Variants in SCP2 observed in about 807,000 individuals in gnomAD.
The protein encoded by SCP2 is sterol carrier protein 2, also known as SCP-2/3-oxoacyl-CoA thiolase.
Under a neutral mutation model 71.4 loss-of-function variants are expected in SCP2, and 48 were observed. The ratio of observed to expected loss-of-function variants is 0.67; its 90% CI spans 0.53 to 0.86. SCP2 has a LOEUF of 0.86. Among genes scored for constraint, SCP2 ranks in the 40% least tolerant of loss-of-function variants. SCP2 has a pLI of 0.00. For missense variants in SCP2, 560 were observed against 655.6 expected (o/e 0.85, Z 1.59); for synonymous variants, 220 against 218.1 (o/e 1.01, Z -0.08).
chr1:52,982,853 A>G (rs1658658938), intron 10 of SCP2, among the ~76,000 whole-genome samples: 1 of 152,214 alleles, frequency 6.6e-6, no homozygotes, highest in African/African-American at 2.4e-5. Flanking sequence ...GTTATATGTC[A>G]TGGGTAAAAA....
chr1:52,975,537 C>T (rs952413062), intron 7 of SCP2, among the ~76,000 whole-genome samples: 31 of 151,838 alleles, frequency 2.0e-4, no homozygotes, highest in African/African-American at 7.3e-4. Flanking sequence ...GAACTCCTGA[C>T]CTCAGGTGAT....
At chr1:53,013,106 C>CTTTTTTTTT (rs754111443) in intron 11 of SCP2, among the ~76,000 whole-genome samples, 2 of 104,646 alleles carry the variant, frequency 1.9e-5, no homozygotes, top group Admixed American at 1.1e-4. Context: ...GTGGAGCTAC[C>CTTTTTTTTT]TTTTTTTTTT....
At chr1:52,968,189 G>A (rs1217283942) in intron 6 of SCP2, among the ~76,000 whole-genome samples, 2 of 152,122 alleles carry the variant, frequency 1.3e-5, no homozygotes, top group Admixed American at 6.6e-5. Flanking sequence ...TGATCGGCCC[G>A]TCTTGGCCTC....
intron 2 of SCP2, 131 bp from the exon 3 acceptor site, chr1:52,947,878 A>G (rs780259749): frequency 1.4e-6 from 1 of 697,190 alleles, no homozygotes; most frequent in South Asian, 1.5e-5. Flanking sequence ...GATTTGATGA[A>G]GGATTTGTCA....
At chr1:53,004,789 T>G (rs1660522101) in intron 11 of SCP2, among the ~76,000 whole-genome samples, 1 of 152,128 alleles carries the variant, frequency 6.6e-6, no homozygotes, top group Admixed American at 6.5e-5. Flanking sequence ...GGACAGTGGG[T>G]GCAGTCCACG....
At chr1:52,949,475 G>A (rs550654456) in intron 3 of SCP2, among the ~76,000 whole-genome samples, 77 of 152,248 alleles carry the variant, frequency 5.1e-4, no homozygotes, top group Admixed American at 1.6e-3. Flanking sequence ...GGGTACACTC[G>A]CCAGCAGTTT....
chr1:52,959,394 C>A (rs570264505), intron 5 of SCP2, among the ~76,000 whole-genome samples: 177 of 152,006 alleles, frequency 1.2e-3, no homozygotes, highest in African/African-American at 4.1e-3. Context: ...AGGGTTTCTC[C>A]ATGTTGGTCA....
rs1663214098 is a variant in SCP2 at position 53,038,924 on chromosome 1, A to T, written c.1346A>T (p.Glu449Val). 6.2e-7 allele frequency: 1 copy of T among 1,613,890 alleles called. No homozygotes were observed. The highest frequency in any genetic ancestry group is 8.5e-7 in the Non-Finnish European group (1 of 1,180,026). ...TGTTATTTTTCTTTCCAGGAAGGGG[A>T]ACAGTTTGTGAAGAAAATCGGTGGT... ...EIEKKLEEEG[E>V]QFVKKIGGIF... The change falls in exon 14 of 16, where the codon GAA becomes GTA. Residue 449 changes from glutamate (E) to valine (V), a missense_variant. By Grantham distance (121) the Glu-to-Val change is moderately radical. Transcript: ENST00000371514.
chr1:52,994,378 C>G, intron 11 of SCP2: 2 of 702,638 alleles, frequency 2.8e-6, no homozygotes, highest in Non-Finnish European at 3.5e-6. Context: ...TGACATACAA[C>G]TTTTTTCTCT....
At chr1:52,929,119 C>A (rs1444544048) in intron 1 of SCP2, among the ~76,000 whole-genome samples, 2 of 151,700 alleles carry the variant, frequency 1.3e-5, no homozygotes, top group African/African-American at 4.8e-5. Context: ...GTGTACTTTG[C>A]TATAGGTCTG....
At chr1:53,008,969 A>T (rs1390837701) in intron 11 of SCP2, among the ~76,000 whole-genome samples, 3 of 152,204 alleles carry the variant, frequency 2.0e-5, no homozygotes, top group African/African-American at 7.2e-5. Context: ...AATCACAAGC[A>T]TTCCTATACA....
chr1:53,008,157 A>T lies in SCP2; in HGVS notation c.1082-6733A>T, dbSNP rs544888973. Among the ~76,000 whole-genome samples, 8 of 152,322 alleles carry T rather than the reference A, an allele frequency of 5.3e-5. 1 individual carries two copies. The South Asian group carries it at 1.5e-3, about 28-fold the overall frequency. On this transcript the variant is annotated intron_variant, in intron 11 of 15. Coordinates refer to ENST00000371514, the MANE Select transcript of SCP2 (RefSeq NM_002979.5). Reference sequence around the variant, plus strand: ...AATTAATAGCCTACCAACCAAAAAAAGTCCAGGACCAGACGGATTCACAGC... The same window carrying T: ...AATTAATAGCCTACCAACCAAAAAATGTCCAGGACCAGACGGATTCACAGC...
rs1469702281 is a variant in SCP2, at chr1:52,927,356, G to T, written c.-41G>T. The T allele has an allele frequency of 6.6e-7, 1 of 1,526,270 alleles. No homozygotes were observed. The allele number at this position is 1,526,270 out of a possible 1,614,324, so 94.5% of individuals were successfully genotyped here. A position where few individuals can be genotyped will look rare whatever the true frequency, so the allele number is the denominator to read the frequency against. On this transcript the variant is annotated 5_prime_UTR_variant, in exon 1 of 16. Coordinates refer to ENST00000371514, the MANE Select transcript of SCP2 (RefSeq NM_002979.5). ...CAGTCTCCGCCTGTCAGTGCCGGCA[G>T]TCGTCCGCGGCGCCCGCCCCGGTCC... is the stretch of plus-strand genomic sequence containing the variant.
chr1:52,976,637 C>G (rs774876549), intron 7 of SCP2, 46 bp from the exon 8 acceptor site: 2 of 946,698 alleles, frequency 2.1e-6, no homozygotes, highest in South Asian at 2.6e-5. Flanking sequence ...ACAAAAATTA[C>G]AGTTGCTATC....
chr1:53,020,781 C>G (rs982606996), intron 12 of SCP2, among the ~76,000 whole-genome samples: 1 of 152,274 alleles, frequency 6.6e-6, no homozygotes, highest in East Asian at 1.9e-4. Flanking sequence ...TCTTCCAACT[C>G]TCAACTCTGT....
chr1:52,979,551 C>T (rs370254428), intron 9 of SCP2, among the ~76,000 whole-genome samples: 59 of 152,172 alleles, frequency 3.9e-4, no homozygotes, highest in African/African-American at 1.4e-3. Flanking sequence ...ATGTTAAGAA[C>T]ATGGACTTTG....
At chr1:53,019,813 G>T (rs1178224227) in intron 12 of SCP2, among the ~76,000 whole-genome samples, 1 of 152,186 alleles carries the variant, frequency 6.6e-6, no homozygotes. Context: ...GTTAGAATGA[G>T]GAATTTATAA....
chr1:53,017,178 C>G (rs991019045), intron 12 of SCP2, among the ~76,000 whole-genome samples: 2 of 151,990 alleles, frequency 1.3e-5, no homozygotes, highest in African/African-American at 4.8e-5. Context: ...CTTTTAAAGC[C>G]CAACTTTGTT....
chr1:52,949,491 C>T lies in SCP2; in HGVS notation c.200-1264C>T, dbSNP rs576825593. Among the ~76,000 whole-genome samples, 88 of 152,294 alleles carry T rather than the reference C, an allele frequency of 5.8e-4. 1 individual carries two copies. The highest frequency in any genetic ancestry group is 1.8e-3 in the African/African-American group (76 of 41,568). On this transcript the variant is annotated intron_variant, in intron 3 of 15. Coordinates refer to ENST00000371514, the MANE Select transcript of SCP2 (RefSeq NM_002979.5). ...GGTACACTCGCCAGCAGTTTTGCCA[C>T]GAGAGTACACTGAGCAAAGGAGACA...
Sources: gnomAD v4.1 joint callset for allele counts (sites outside exome capture counted in the v4.1 genomes callset) on GRCh38, gnomAD v4.1.1 for gene constraint, MANE v1.5 for transcripts, NCBI Gene and HGNC (gene_info 2026-07-23, HGNC 2026-07-21) for gene names.